Variants in RAD51B observed in about 807,000 individuals in gnomAD.
The protein encoded by RAD51B is DNA repair protein RAD51 homolog 2.
Under a neutral mutation model 42.2 loss-of-function variants are expected in RAD51B, and 38 were observed. The ratio of observed to expected loss-of-function variants is 0.90; its 90% CI spans 0.70 to 1.18. The LOEUF is 1.18. Ranked by LOEUF, RAD51B falls within the 50% of genes most tolerant of loss-of-function variation. The probability of loss-of-function intolerance (pLI) is 0.00; values close to 1 mark genes in which losing one functional copy is unlikely to be tolerated. For missense variants in RAD51B, 373 were observed against 400.7 expected, an observed-to-expected ratio of 0.93 and a Z score of 0.59; for synonymous variants, 154 against 145.2, an observed-to-expected ratio of 1.06 and a Z score of -0.43.
intron 7 of RAD51B, among the ~76,000 whole-genome samples, chr14:68,191,257 A>T (rs2079261280): frequency 6.6e-6 from 1 of 152,170 alleles, no homozygotes; most frequent in African/African-American, 2.4e-5. Context: ...ACTGACAAAA[A>T]TTAAGCATAT....
chr14:68,557,005 C>T (rs750444045), intron 10 of RAD51B, among the ~76,000 whole-genome samples: 29 of 152,190 alleles, frequency 1.9e-4, no homozygotes, highest in South Asian at 4.1e-4. Context: ...CCCAGCCCTA[C>T]CTAGCCTTCA....
chr14:68,620,468 A>G (rs948710607), intron 10 of RAD51B, among the ~76,000 whole-genome samples: 5 of 152,322 alleles, frequency 3.3e-5, no homozygotes, highest in Admixed American at 2.0e-4. Flanking sequence ...TCACTTCTGC[A>G]CTAGCTGCTC....
At chr14:67,848,993 C>G (rs1227183074) in intron 4 of RAD51B, among the ~76,000 whole-genome samples, 1 of 152,182 alleles carries the variant, frequency 6.6e-6, no homozygotes, top group Non-Finnish European at 1.5e-5. Context: ...CATTACCATT[C>G]TCTCTTGCTT....
Position 67,835,127 on chromosome 14 carries a change from C to G in RAD51B, c.246C>G (p.Phe82Leu), listed in dbSNP as rs1275379805. Residue 82 changes from phenylalanine (F) to leucine (L), a missense_variant, in exon 4 of 11, where the codon TTC becomes TTG. By Grantham distance (22) the Phe-to-Leu change is conservative. Coordinates refer to ENST00000471583, the MANE Select transcript of RAD51B (RefSeq NM_133510.4). The part of the protein sequence containing the change: ...AQRSADFSPA[F>L]LSTTLSALDE... ...GGTCTGCTGATTTCTCACCAGCATT[C>G]TTATCTACTACCCTTTCTGCTTTGG... The G allele has an allele frequency of 5.6e-6, 9 of 1,613,880 alleles. No individual in the cohort carries two copies. Among genetic ancestry groups the G allele is most frequent in the Non-Finnish European group, 7.6e-6 (9 of 1,179,934 alleles).
intron 9 of RAD51B, among the ~76,000 whole-genome samples, chr14:68,449,227 A>T (rs1594854697): frequency 6.6e-6 from 1 of 152,376 alleles, no homozygotes; most frequent in East Asian, 1.9e-4. Context: ...AAAAAACAAC[A>T]AAACTTTGTT....
At chr14:67,941,178 G>A (rs992128961) in intron 7 of RAD51B, among the ~76,000 whole-genome samples, 1 of 152,070 alleles carries the variant, frequency 6.6e-6, no homozygotes, top group African/African-American at 2.4e-5. Context: ...TTCTGTGTGA[G>A]GCAAAATCCA....
At chr14:68,410,690 A>C (rs1185651278) in intron 8 of RAD51B, among the ~76,000 whole-genome samples, 1 of 152,148 alleles carries the variant, frequency 6.6e-6, no homozygotes, top group Non-Finnish European at 1.5e-5. Context: ...CTTGCCTTCA[A>C]GGGGGAAGGA....
intron 4 of RAD51B, among the ~76,000 whole-genome samples, chr14:67,843,980 G>A (rs1399790660): frequency 6.6e-6 from 1 of 151,920 alleles, no homozygotes; most frequent in Non-Finnish European, 1.5e-5. Context: ...TCTGATATGG[G>A]CTTTTAACAG....
intron 10 of RAD51B, among the ~76,000 whole-genome samples, chr14:68,625,891 T>A (rs1351662770): frequency 2.6e-5 from 4 of 152,160 alleles, no homozygotes; most frequent in Non-Finnish European, 5.9e-5. Flanking sequence ...ACTGCGTTCT[T>A]GGCCCTGGTC....
chr14:68,582,196 G>A (rs530980677), intron 10 of RAD51B, among the ~76,000 whole-genome samples: 70 of 152,284 alleles, frequency 4.6e-4, no homozygotes, highest in African/African-American at 1.7e-3. Context: ...CACAGCAAAA[G>A]AAACTATCAT....
rs1005595457 is a variant in RAD51B, at chr14:68,195,631, G to A, written c.757-96253G>A. 5.9e-5 allele frequency among the ~76,000 whole-genome samples: 9 copies of A among 152,138 alleles called. No individual in the cohort carries two copies. In the South Asian group the frequency reaches 6.2e-4, roughly 11 times the overall value. ...ATTTTTAAAAATTATATTCCTGGCC[G>A]GGCATGGTAGCTTACACCTGTAATC... On this transcript the variant is annotated intron_variant, in intron 7 of 10. Coordinates refer to ENST00000471583, the MANE Select transcript of RAD51B (RefSeq NM_133510.4).
chr14:68,611,096 T>C (rs1891664511), exon 11 of RAD51B: 1 of 703,080 alleles, frequency 1.4e-6, no homozygotes, highest in Admixed American at 2.0e-5. Flanking sequence ...ATACCTGATG[T>C]GGTGCTCAGA....
At chr14:68,527,685 C>CA (rs1487292103) in intron 10 of RAD51B, among the ~76,000 whole-genome samples, 1 of 152,222 alleles carries the variant, frequency 6.6e-6, no homozygotes, top group Non-Finnish European at 1.5e-5. Flanking sequence ...CTACATAATG[C>CA]ACCAATAGAA....
intron 7 of RAD51B, among the ~76,000 whole-genome samples, chr14:68,087,884 T>TTA (rs1298630966): frequency 2.4e-5 from 2 of 82,018 alleles, no homozygotes; most frequent in East Asian, 5.0e-4. Flanking sequence ...ATTTATATAA[T>TTA]TATATAATAT....
chr14:67,962,341 C>T (rs1299780751), intron 7 of RAD51B, among the ~76,000 whole-genome samples: 1 of 152,008 alleles, frequency 6.6e-6, no homozygotes, highest in African/African-American at 2.4e-5. Context: ...ACCTGCAGAT[C>T]AAAAGATACA....
intron 10 of RAD51B, among the ~76,000 whole-genome samples, chr14:68,616,960 A>G (rs997028601): frequency 6.6e-6 from 1 of 151,738 alleles, no homozygotes; most frequent in African/African-American, 2.4e-5. Context: ...CATTTTATGT[A>G]TGTTTTTCTT....
chr14:67,833,070 C>T (rs1055939494), intron 3 of RAD51B, among the ~76,000 whole-genome samples: 1 of 151,886 alleles, frequency 6.6e-6, no homozygotes, highest in African/African-American at 2.4e-5. Flanking sequence ...AACACAACAC[C>T]AAGGATAAGA....
At position 67,825,181 on chromosome 14, in the gene RAD51B, C is replaced by T. The variant is rs8011393; in HGVS notation, c.85-283C>T. ...CAAATTCTTTTTGGCACAAGTGTAG[C>T]GCTCATACGCACCTGGATTGGATGC... On this transcript the variant is annotated intron_variant, in intron 2 of 10. Coordinates refer to ENST00000471583, the MANE Select transcript of RAD51B (RefSeq NM_133510.4). 0.33 allele frequency among the ~76,000 whole-genome samples: 48,976 copies of T among 150,654 alleles called. 8,235 individuals carry two copies. The highest frequency in any genetic ancestry group is 0.45 in the Middle Eastern group (131 of 294).
chr14:68,077,864 G>A (rs1419813095), intron 7 of RAD51B, among the ~76,000 whole-genome samples: 2 of 152,218 alleles, frequency 1.3e-5, no homozygotes, highest in Non-Finnish European at 2.9e-5. Flanking sequence ...GCTGAGGCAG[G>A]CGAATCGCTT....
Sources: allele counts gnomAD v4.1 joint callset (sites outside exome capture counted in the v4.1 genomes callset), GRCh38; gene constraint gnomAD v4.1.1; transcripts MANE v1.5; gene names NCBI Gene and HGNC (gene_info 2026-07-23, HGNC 2026-07-21).